The following UBR1 variants were observed in gnomAD, a reference collection of about 807,000 sequenced individuals.
UBR1 encodes the protein ubiquitin protein ligase E3 component n-recognin 1.
UBR1 carries 102 observed loss-of-function variants against 242.1 expected under a neutral mutation model. The observed-to-expected ratio is 0.42, with a 90% CI of 0.36 to 0.50. The LOEUF (loss-of-function observed/expected upper bound fraction) is 0.50. Ranked by LOEUF, UBR1 falls within the 20% of genes least tolerant of loss-of-function variation. The probability of loss-of-function intolerance (pLI) is 0.01; values close to 1 mark genes in which losing one functional copy is unlikely to be tolerated. For missense variants in UBR1, 1,772 were observed against 2,101.8 expected, an observed-to-expected ratio of 0.84 and a Z score of 3.07; for synonymous variants, 675 against 684.8, an observed-to-expected ratio of 0.99 and a Z score of 0.22.
At chr15:42,982,557 A>G (rs1213045795) in intron 37 of UBR1, among the ~76,000 whole-genome samples, 1 of 152,254 alleles carries the variant, frequency 6.6e-6, no homozygotes, top group East Asian at 1.9e-4. Flanking sequence ...TAAGCATGGC[A>G]GAAGTTCTAA....
chr15:42,969,000 T>C (rs192221237), intron 40 of UBR1, among the ~76,000 whole-genome samples: 42 of 152,284 alleles, frequency 2.8e-4, no homozygotes, highest in African/African-American at 9.4e-4. Context: ...GTCTTTATAG[T>C]AGAATGATTT....
chr15:42,961,223 C>T (rs1330617034), intron 42 of UBR1, among the ~76,000 whole-genome samples: 4 of 150,862 alleles, frequency 2.7e-5, no homozygotes, highest in Non-Finnish European at 5.9e-5. Flanking sequence ...AGTGATTCTC[C>T]TGCCTCAGCA....
chr15:43,091,769 T>C lies in UBR1; in HGVS notation c.82-5529A>G, dbSNP rs547516930. On this transcript the variant is annotated intron_variant, in intron 1 of 46. Coordinates refer to ENST00000290650, the MANE Select transcript of UBR1 (RefSeq NM_174916.3). ...CAACATGGTGAAACCCCGTCTCTAC[T>C]AAAAATACAAAAATTAGCCAGGTGT... 7.3e-5 allele frequency among the ~76,000 whole-genome samples: 11 copies of C among 151,722 alleles called. No homozygotes were observed. The East Asian group carries it at 2.1e-3, about 29-fold the overall frequency.
chr15:42,946,455 T>C (rs1445571402), intron 46 of UBR1, among the ~76,000 whole-genome samples: 1 of 152,158 alleles, frequency 6.6e-6, no homozygotes. Flanking sequence ...GCCAAATTAA[T>C]GTTAAAACTC....
Position 43,038,596 on chromosome 15 carries a change from AAAAG to A in UBR1, c.1850-368_1850-365del, listed in dbSNP as rs1220782848. 4.6e-5 allele frequency among the ~76,000 whole-genome samples: 7 copies of A among 152,296 alleles called. No individual in the cohort carries two copies. In the South Asian group the frequency reaches 8.3e-4, roughly 18 times the overall value. ...GTGACAGAGTGAGACTCCGTCTTAA[AAAAG>A]AAAGAAAGAAACTTGTGTGAGTTAA... On this transcript the variant is annotated intron_variant, in intron 15 of 46. Coordinates refer to ENST00000290650, the MANE Select transcript of UBR1 (RefSeq NM_174916.3).
intron 21 of UBR1, among the ~76,000 whole-genome samples, chr15:43,029,210 C>T (rs1478903115): frequency 6.6e-6 from 1 of 152,136 alleles, no homozygotes; most frequent in Non-Finnish European, 1.5e-5. Flanking sequence ...AATCATTTTT[C>T]TAACTCATAT....
rs537847992 is a variant in UBR1, at chr15:43,009,363, T to G, written c.3210-2079A>C. On this transcript the variant is annotated intron_variant, in intron 29 of 46. Coordinates refer to ENST00000290650, the MANE Select transcript of UBR1 (RefSeq NM_174916.3). ...TCCCTGTGCCTAGAGCTCCCTGCCC[T>G]GCACAGCAGCTGGCGTGCCTGGCTG... is the stretch of plus-strand genomic sequence containing the variant. Among the ~76,000 whole-genome samples the G allele has an allele frequency of 1.2e-4, 18 of 152,352 alleles. No homozygotes were observed. In the South Asian group the frequency reaches 3.7e-3, roughly 32 times the overall value.
At position 43,070,854 on chromosome 15, in the gene UBR1, A is replaced by G. The variant is rs1480517111; in HGVS notation, c.600T>C (p.Tyr200=). The G allele has an allele frequency of 6.8e-6, 11 of 1,613,890 alleles. No homozygotes were observed. The highest frequency in any genetic ancestry group is 1.7e-6 in the Non-Finnish European group (2 of 1,179,988). The stretch of plus-strand genomic sequence containing the variant: ...CTTCCCATATAGTCATTTCTACGAC[A>G]TATTTTATCACTGAAGGAAATATTT... ...ARKIFPSVIK[Y]VVEMTIWEEE... Residue 200 remains tyrosine, a synonymous_variant, in exon 5 of 47, where the codon TAT becomes TAC. Transcript: ENST00000290650.
At chr15:43,037,734 G>A (rs780360979) in intron 17 of UBR1, 39 bp downstream of exon 17, 8 of 1,563,400 alleles carry the variant, frequency 5.1e-6, no homozygotes, top group Non-Finnish European at 6.2e-6. Context: ...ATTAGAAAAT[G>A]AGCACATTCA....
At chr15:42,948,732 A>T (rs770150004) in intron 46 of UBR1, among the ~76,000 whole-genome samples, 2 of 152,230 alleles carry the variant, frequency 1.3e-5, no homozygotes, top group Non-Finnish European at 2.9e-5. Context: ...CCACAATGAG[A>T]TACCACCTCA....
At chr15:43,069,839 T>A (rs1239591043) in intron 5 of UBR1, among the ~76,000 whole-genome samples, 1 of 152,194 alleles carries the variant, frequency 6.6e-6, no homozygotes, top group Non-Finnish European at 1.5e-5. Context: ...AGATGGCTCA[T>A]ATTATGTTTA....
At chr15:42,978,649 A>G (rs1018762662) in intron 37 of UBR1, among the ~76,000 whole-genome samples, 8 of 152,206 alleles carry the variant, frequency 5.3e-5, no homozygotes, top group African/African-American at 1.7e-4. Flanking sequence ...AGAAGATTCA[A>G]CATCACATAA....
chr15:42,981,962 A>C (rs2032385748), intron 37 of UBR1, among the ~76,000 whole-genome samples: 1 of 152,214 alleles, frequency 6.6e-6, no homozygotes, highest in African/African-American at 2.4e-5. Flanking sequence ...TACACTACAT[A>C]AATTCCTCCA....
chr15:43,036,795 G>T (rs529478251), intron 17 of UBR1, among the ~76,000 whole-genome samples: 18 of 152,112 alleles, frequency 1.2e-4, no homozygotes, highest in African/African-American at 4.1e-4. Flanking sequence ...TCACTTCAGG[G>T]TTAAAAATGT....
At chr15:42,961,351 G>A (rs1272014397) in intron 42 of UBR1, among the ~76,000 whole-genome samples, 2 of 151,424 alleles carry the variant, frequency 1.3e-5, no homozygotes, top group Non-Finnish European at 2.9e-5. Context: ...GACCTCAGGT[G>A]ATCAGCCTGC....
intron 33 of UBR1, among the ~76,000 whole-genome samples, chr15:42,997,126 C>A (rs1283505051): frequency 6.6e-6 from 1 of 152,158 alleles, no homozygotes; most frequent in Non-Finnish European, 1.5e-5. Context: ...CGCGTGAGCT[C>A]CGCCTCCTGC....
chr15:42,945,167 A>G lies in UBR1; in HGVS notation c.*162T>C. 1 of 911,198 alleles carries G rather than the reference A, an allele frequency of 1.1e-6. No individual in the cohort carries two copies. Among genetic ancestry groups the G allele is most frequent in the East Asian group, 2.7e-5 (1 of 37,542 alleles). 56.4% of individuals were successfully genotyped at this position (911,198 alleles called of 1,614,324 possible). ...CTGTGAAGCATATGTTTGCTAATTG[A>G]AAGCAATACTCCATTAAGAAATATT... is the stretch of plus-strand genomic sequence containing the variant. On this transcript the variant is annotated 3_prime_UTR_variant, in exon 47 of 47. Coordinates refer to ENST00000290650, the MANE Select transcript of UBR1 (RefSeq NM_174916.3).
intron 12 of UBR1, among the ~76,000 whole-genome samples, chr15:43,051,388 A>G (rs1194017589): frequency 6.6e-6 from 1 of 152,198 alleles, no homozygotes; most frequent in Non-Finnish European, 1.5e-5. Context: ...ACATGGACAC[A>G]TAGAGGGGAA....
chr15:42,986,242 AG>A (rs2141274061), intron 35 of UBR1, among the ~76,000 whole-genome samples: 1 of 152,254 alleles, frequency 6.6e-6, no homozygotes, highest in South Asian at 2.1e-4. Context: ...CCATCTCCAC[AG>A]GGACTGAGAT....
Sources: allele counts gnomAD v4.1 joint callset (sites outside exome capture counted in the v4.1 genomes callset), GRCh38; gene constraint gnomAD v4.1.1; transcripts MANE v1.5; gene names NCBI Gene and HGNC (gene_info 2026-07-23, HGNC 2026-07-21).